Variants in DNAI7 observed in about 807,000 individuals in gnomAD.
DNAI7 encodes dynein axonemal intermediate chain 7.
A neutral mutation model predicts 86.6 loss-of-function variants in DNAI7; 78 were observed. That is an observed-to-expected ratio of 0.90 (90% CI 0.75 to 1.09). The LOEUF is 1.09. Among genes scored for constraint, DNAI7 ranks in the 50% least tolerant of loss-of-function variants. The pLI, the probability that DNAI7 is intolerant of heterozygous loss-of-function variation, is 0.00. For synonymous variants in DNAI7, 274 were observed against 273.0 expected (o/e 1.00, Z -0.04); for missense variants, 753 against 810.2 (o/e 0.93, Z 0.86).
chr12:25,128,044 A>G (rs1359365108), intron 9 of DNAI7, among the ~76,000 whole-genome samples: 1 of 152,218 alleles, frequency 6.6e-6, no homozygotes, highest in Admixed American at 6.5e-5. Context: ...ATCAAAAGCT[A>G]CAAAAACCAT....
intron 8 of DNAI7, among the ~76,000 whole-genome samples, chr12:25,146,334 C>A (rs144552435): frequency 6.6e-6 from 1 of 151,614 alleles, no homozygotes. Context: ...CAGTGGCTCA[C>A]GCCTGTAATC....
At chr12:25,186,615 A>T (rs977166895) in intron 2 of DNAI7, among the ~76,000 whole-genome samples, 1 of 152,180 alleles carries the variant, frequency 6.6e-6, no homozygotes, top group African/African-American at 2.4e-5. Flanking sequence ...GGAAGTCCTT[A>T]GTGTCTGATG....
rs974057059 is a variant in DNAI7 at position 25,187,170 on chromosome 12, C to T, written c.21+3444G>A. Among the ~76,000 whole-genome samples, 5 of 152,198 alleles carry T rather than the reference C, an allele frequency of 3.3e-5. No homozygotes were observed. The South Asian group carries it at 8.3e-4, about 25-fold the overall frequency. ...CTACAAACCGGCTCCTGATTAACCA[C>T]GGTCTCCATGCCGTGTTTTTATCTT... On this transcript the variant is annotated intron_variant, in intron 2 of 15. Transcript: ENST00000395987.
At chr12:25,113,595 C>T (rs1939441083) in intron 13 of DNAI7, among the ~76,000 whole-genome samples, 1 of 152,170 alleles carries the variant, frequency 6.6e-6, no homozygotes, top group Admixed American at 6.5e-5. Flanking sequence ...CCACCGCTCC[C>T]AGCCCTCATC....
At chr12:25,153,123 T>C (rs1307929651) in intron 6 of DNAI7, among the ~76,000 whole-genome samples, 1 of 152,188 alleles carries the variant, frequency 6.6e-6, no homozygotes, top group Non-Finnish European at 1.5e-5. Context: ...AATCCAACTT[T>C]TGATTCACTC....
Position 25,160,937 on chromosome 12 carries a change from G to C in DNAI7, c.106+176C>G, listed in dbSNP as rs778275201. ...ACCCTAATTCAATATATATCTGAAA[G>C]AGACTGGCATGTACTAACATCTTTC... On this transcript the variant is annotated intron_variant, in intron 3 of 15. Coordinates refer to ENST00000395987, the MANE Select transcript of DNAI7 (RefSeq NM_018272.5). 9 of 476,746 alleles carry C rather than the reference G, an allele frequency of 1.9e-5. No homozygotes were observed. In the South Asian group the frequency reaches 2.9e-4, roughly 16 times the overall value. The allele number at this position is 476,746 out of a possible 1,614,324, so 29.5% of individuals were successfully genotyped here. A position where few individuals can be genotyped will look rare whatever the true frequency, so the allele number is the denominator to read the frequency against.
intron 2 of DNAI7, among the ~76,000 whole-genome samples, chr12:25,174,880 A>G (rs1169463725): frequency 6.6e-6 from 1 of 151,616 alleles, no homozygotes; most frequent in Non-Finnish European, 1.5e-5. Flanking sequence ...CAAATATTGT[A>G]TGTTCTCACT....
Position 25,195,082 on chromosome 12 carries a change from G to C in DNAI7, c.-4C>G, listed in dbSNP as rs756360334. On this transcript the variant is annotated 5_prime_UTR_variant, in exon 1 of 16. Transcript: ENST00000395987. ...CCTCATTTGCCTTGCTCACCATTAA[G>C]AGTCAAGCTCCACTGCAGTAGTCCG... 2.5e-6 allele frequency: 4 copies of C among 1,614,206 alleles called. No individual in the cohort carries two copies. Among genetic ancestry groups the C allele is most frequent in the Admixed American group, 1.7e-5 (1 of 60,032 alleles).
At position 25,144,478 on chromosome 12, in the gene DNAI7, C is replaced by T. The variant is rs1944577269; in HGVS notation, c.889G>A (p.Ala297Thr). 7 of 1,613,992 alleles carry T rather than the reference C, an allele frequency of 4.3e-6. No homozygotes were observed. The highest frequency in any genetic ancestry group is 1.7e-5 in the Admixed American group (1 of 59,994). The change falls in exon 9 of 16, where the codon GCA becomes ACA. Residue 297 changes from alanine (A) to threonine (T), a missense_variant. Transcript: ENST00000395987. ...TCTTCTTCGACCTCCTTGCTGATTG[C>T]TTTTTCTACATTCTTAACATCATCT... ...VKDDVKNVEK[A>T]ISKEVEEESK...
rs7306693 is a variant in DNAI7 at position 25,128,708 on chromosome 12, T to C, written c.1003-5422A>G. 4.5e-3 allele frequency among the ~76,000 whole-genome samples: 686 copies of C among 152,234 alleles called. 5 individuals carry two copies. The highest frequency in any genetic ancestry group is 0.015 in the African/African-American group (639 of 41,536). On this transcript the variant is annotated intron_variant, in intron 9 of 15. Coordinates refer to ENST00000395987, the MANE Select transcript of DNAI7 (RefSeq NM_018272.5). ...AAAATAAAAACTCAGTAAGATATATTTTACCTCCAAAACATCTCCCAAACA... is the reference window on the plus strand; with the variant it reads ...AAAATAAAAACTCAGTAAGATATATCTTACCTCCAAAACATCTCCCAAACA...
chr12:25,177,661 T>C (rs1291548847), intron 2 of DNAI7, among the ~76,000 whole-genome samples: 1 of 152,206 alleles, frequency 6.6e-6, no homozygotes, highest in Non-Finnish European at 1.5e-5. Flanking sequence ...TTTTCTGTTG[T>C]ATGTCCCTAG....
At chr12:25,171,490 A>G (rs1948129618) in intron 2 of DNAI7, among the ~76,000 whole-genome samples, 1 of 152,168 alleles carries the variant, frequency 6.6e-6, no homozygotes, top group African/African-American at 2.4e-5. Flanking sequence ...AAAAATTACC[A>G]GAAAAAAAAG....
intron 1 of DNAI7, among the ~76,000 whole-genome samples, chr12:25,192,150 T>C (rs112657770): frequency 0.012 from 1,790 of 152,268 alleles, 34 homozygotes; most frequent in African/African-American, 0.041. Flanking sequence ...GCCATATAAT[T>C]TTTACAAATA....
chr12:25,121,125 G>A (rs1478601199), intron 11 of DNAI7, among the ~76,000 whole-genome samples: 1 of 152,150 alleles, frequency 6.6e-6, no homozygotes, highest in Non-Finnish European at 1.5e-5. Flanking sequence ...TTACCTCCAG[G>A]GTTTCGGATT....
chr12:25,138,046 T>C (rs992302751), intron 9 of DNAI7, among the ~76,000 whole-genome samples: 1 of 151,132 alleles, frequency 6.6e-6, no homozygotes, highest in Non-Finnish European at 1.5e-5. Context: ...ACAAATGGAC[T>C]TAACAGATAT....
At chr12:25,119,067 A>AT in intron 12 of DNAI7, 78 bp downstream of exon 12, 1 of 1,191,850 alleles carries the variant, frequency 8.4e-7, no homozygotes, top group East Asian at 2.4e-5. Flanking sequence ...AGCTCAGTTA[A>AT]TACACTACAC....
intron 2 of DNAI7, among the ~76,000 whole-genome samples, chr12:25,178,226 T>G: frequency 6.6e-6 from 1 of 152,338 alleles, no homozygotes; most frequent in Non-Finnish European, 1.5e-5. Context: ...TAAAGACTTA[T>G]GGACCTAGAA....
chr12:25,171,975 C>T (rs1948195953), intron 2 of DNAI7, among the ~76,000 whole-genome samples: 1 of 152,052 alleles, frequency 6.6e-6, no homozygotes, highest in Admixed American at 6.6e-5. Context: ...AATGTAATAA[C>T]AGCCATCTAT....
chr12:25,147,495 A>C (rs1207606353), intron 7 of DNAI7, among the ~76,000 whole-genome samples: 1 of 151,480 alleles, frequency 6.6e-6, no homozygotes, highest in Non-Finnish European at 1.5e-5. Context: ...ATCTCTACAA[A>C]AAATTAGCTG....
Sources: gnomAD v4.1 joint callset for allele counts (sites outside exome capture counted in the v4.1 genomes callset) on GRCh38, gnomAD v4.1.1 for gene constraint, MANE v1.5 for transcripts, NCBI Gene and HGNC (gene_info 2026-07-23, HGNC 2026-07-21) for gene names.